The following MIDEAS variants were observed in gnomAD, a reference collection of about 807,000 sequenced individuals.
MIDEAS encodes mitotic deacetylase associated SANT domain protein.
In MIDEAS, 26 loss-of-function variants were observed where a neutral mutation model predicts 102.7. The observed-to-expected ratio is 0.25, with a 90% CI of 0.19 to 0.35. The LOEUF (loss-of-function observed/expected upper bound fraction) is 0.35, where lower values mean the gene tolerates loss of function less well. MIDEAS is among the 10% of genes least tolerant of loss of function. MIDEAS has a pLI of 1.00. For missense variants in MIDEAS, 1,231 were observed against 1,435.6 expected (o/e 0.86, Z 2.30); for synonymous variants, 585 against 591.0 (o/e 0.99, Z 0.15).
chr14:73,732,341 G>A (rs879503954), intron 3 of MIDEAS, among the ~76,000 whole-genome samples: 2 of 150,772 alleles, frequency 1.3e-5, no homozygotes, highest in Non-Finnish European at 3.0e-5. Context: ...AAAGAGCCAA[G>A]ATCTAGGTGA....
At position 73,759,513 on chromosome 14, in the gene MIDEAS, C is replaced by T. The variant is rs1432193265; in HGVS notation, c.-248+250G>A. On this transcript the variant is annotated intron_variant, in intron 1 of 12. Coordinates refer to ENST00000423556, the MANE Select transcript of MIDEAS (RefSeq NM_001367710.1). This position sits in a 1 kb window ranked among gnomAD's most constrained non-coding sequence, Gnocchi z 6.7. The stretch of plus-strand genomic sequence containing the variant: ...GCTGCGCTGCACACGCAGCTGCGGG[C>T]CGAGGGCGCGGACCGCGGGGGAGGG... Among the ~76,000 whole-genome samples, 1 of 149,974 alleles carries T rather than the reference C, an allele frequency of 6.7e-6. No individual in the cohort carries two copies. The highest frequency in any genetic ancestry group is 1.5e-5 in the Non-Finnish European group (1 of 67,196).
chr14:73,736,359 C>T (rs1020710266), intron 3 of MIDEAS, among the ~76,000 whole-genome samples: 6 of 151,996 alleles, frequency 3.9e-5, no homozygotes, highest in Admixed American at 1.3e-4. Flanking sequence ...CGGCCAGGCG[C>T]GGTGGCTCAC....
At chr14:73,730,145 T>C (rs909086150) in intron 3 of MIDEAS, 160 bp from the exon 4 acceptor site, 3 of 766,338 alleles carry the variant, frequency 3.9e-6, no homozygotes, top group Admixed American at 2.0e-5. Context: ...GCCCTTTTTA[T>C]CATCTCCTCT....
intron 1 of MIDEAS, among the ~76,000 whole-genome samples, chr14:73,754,555 T>C (rs1055650122): frequency 1.3e-5 from 2 of 152,174 alleles, no homozygotes; most frequent in African/African-American, 4.8e-5. Context: ...AAAGTGAAAG[T>C]GGAGACAGTC....
chr14:73,788,350 C>T (rs1358989375), upstream of MIDEAS, among the ~76,000 whole-genome samples: 1 of 152,174 alleles, frequency 6.6e-6, no homozygotes, highest in African/African-American at 2.4e-5. Context: ...AACCTCCCCC[C>T]TTTCAATGCT....
chr14:73,726,652 GT>G lies in MIDEAS; in HGVS notation c.2360del (p.Asn787ThrfsTer20). The stretch of plus-strand genomic sequence containing the variant: ...GCAGACAGTGCAGGGCCAGCTCCTG[GT>G]TGGTGCCAGCACCAGGGAAAATGCT... ...CSSIFPGAGTNQELALHCLHE... is the reference protein window; with the variant it reads ...CSSIFPGAGTXQELALHCLHE... On this transcript the variant is annotated frameshift_variant, in exon 7 of 13. Transcript: ENST00000423556. LOFTEE classifies it high-confidence loss of function. 6.2e-7 allele frequency: 1 copy of G among 1,614,266 alleles called. No homozygotes were observed. Among genetic ancestry groups the G allele is most frequent in the Non-Finnish European group, 8.5e-7 (1 of 1,180,044 alleles).
rs2052955434 is a variant in MIDEAS, at chr14:73,719,586, A to T, written c.2938-85T>A. On this transcript the variant is annotated intron_variant, in intron 11 of 12. Transcript: ENST00000423556. ...AAAATCGCAGGGAACCGGGGGCCTG[A>T]AAAGTCATATATATTCCTGCCAAAC... 4.3e-6 allele frequency: 6 copies of T among 1,380,840 alleles called. No individual in the cohort carries two copies. The African/African-American group carries it at 7.2e-5, about 17-fold the overall frequency. The allele number at this position is 1,380,840 out of a possible 1,614,324, so 85.5% of individuals were successfully genotyped here. A position where few individuals can be genotyped will look rare whatever the true frequency, so the allele number is the denominator to read the frequency against.
At chr14:73,732,830 C>CCTA (rs1216609298) in intron 3 of MIDEAS, among the ~76,000 whole-genome samples, 21 of 148,408 alleles carry the variant, frequency 1.4e-4, no homozygotes, top group Admixed American at 1.3e-3. Flanking sequence ...GTGGCTCACG[C>CCTA]CTATAATCCC....
chr14:73,787,854 TCC>T (rs1256069303), upstream of MIDEAS, among the ~76,000 whole-genome samples: 2 of 151,970 alleles, frequency 1.3e-5, no homozygotes, highest in Non-Finnish European at 2.9e-5. Context: ...GTTCTAATCC[TCC>T]CCCGCGATTT....
intron 1 of MIDEAS, among the ~76,000 whole-genome samples, chr14:73,757,257 G>GAA: frequency 1.1e-5 from 1 of 93,950 alleles, no homozygotes; most frequent in East Asian, 5.6e-4. Flanking sequence ...GGGCGACAGA[G>GAA]AAAGACCCTA....
chr14:73,777,833 C>T (rs1186339603), intron 1 of MIDEAS, among the ~76,000 whole-genome samples: 3 of 151,956 alleles, frequency 2.0e-5, no homozygotes, highest in African/African-American at 4.8e-5. Context: ...CTCCTCTGAG[C>T]GCAGGAGCCC....
intron 1 of MIDEAS, among the ~76,000 whole-genome samples, chr14:73,749,276 T>G (rs1296489081): frequency 1.7e-5 from 2 of 119,178 alleles, no homozygotes; most frequent in Non-Finnish European, 3.2e-5. Context: ...GTGGTGCCTG[T>G]AATCCCAAAA....
intron 9 of MIDEAS, chr14:73,724,989 C>T: frequency 3.2e-6 from 1 of 312,934 alleles, no homozygotes; most frequent in African/African-American, 2.1e-5. Flanking sequence ...TCCGCATCTT[C>T]CTCCTGCCTA....
chr14:73,721,495 G>C lies in MIDEAS; in HGVS notation c.2739C>G (p.Phe913Leu), dbSNP rs1566581777. 2 of 1,614,022 alleles carry C rather than the reference G, an allele frequency of 1.2e-6. No homozygotes were observed. The highest frequency in any genetic ancestry group is 1.7e-6 in the Non-Finnish European group (2 of 1,179,984). Reference protein sequence around the residue: ...VEVDIKTSQKFPRVPLPRRES... With the variant: ...VEVDIKTSQKLPRVPLPRRES... ...CTCTTCTGGGAAGAGGCACCCTTGG[G>C]AACTTTTGGGAAGTCTATGGGGAAC... is the stretch of plus-strand genomic sequence containing the variant. The change falls in exon 11 of 13, where the codon TTC becomes TTG. Residue 913 changes from phenylalanine to leucine, a missense_variant. By Grantham distance (22) the Phe-to-Leu change is conservative (BLOSUM62 0). This residue lies in a region of MIDEAS where 391 missense variants were observed against 483.0 expected (regional missense o/e 0.81). Coordinates refer to ENST00000423556, the MANE Select transcript of MIDEAS (RefSeq NM_001367710.1).
At chr14:73,763,077 T>C (rs2053566498), upstream of MIDEAS, among the ~76,000 whole-genome samples, 1 of 152,174 alleles carries the variant, frequency 6.6e-6, no homozygotes, top group South Asian at 2.1e-4. Context: ...GGTTCACACC[T>C]GTAACCCCAG....
At position 73,736,962 on chromosome 14, in the gene MIDEAS, C is replaced by T. The variant is rs796664439; in HGVS notation, c.1749+36G>A. On this transcript the variant is annotated intron_variant, in intron 3 of 12. Transcript: ENST00000423556. ...GGGTCCTGGGCCCCCTGAGCACTCA[C>T]GCGCTGGAGGTGTTTAGAAGGGGCG... 20 of 1,588,972 alleles carry T rather than the reference C, an allele frequency of 1.3e-5. No homozygotes were observed. In the African/African-American group the frequency reaches 1.9e-4, roughly 15 times the overall value.
rs542731063 is a variant in MIDEAS, at chr14:73,723,922, G to A, written c.2575-1075C>T. The A allele has an allele frequency of 8.5e-5, 13 of 152,316 alleles. 1 individual carries two copies. The South Asian group carries it at 1.7e-3, about 19-fold the overall frequency. 9.4% of individuals were successfully genotyped at this position (152,316 alleles called of 1,614,324 possible). On this transcript the variant is annotated intron_variant, in intron 9 of 12. Coordinates refer to ENST00000423556, the MANE Select transcript of MIDEAS (RefSeq NM_001367710.1). ...CAGAAATGTCACAGTGTCCCCTGTCGGGGGAGGAACTCAAGGGAAACTCAC... is the reference window on the plus strand; with the variant it reads ...CAGAAATGTCACAGTGTCCCCTGTCAGGGGAGGAACTCAAGGGAAACTCAC...
upstream of MIDEAS, among the ~76,000 whole-genome samples, chr14:73,763,319 CAG>C (rs1452479119): frequency 6.6e-6 from 1 of 152,176 alleles, no homozygotes; most frequent in Non-Finnish European, 1.5e-5. Context: ...TCCTGGGTGA[CAG>C]GGTGAGACGT....
At chr14:73,783,076 G>A (rs180967720) in intron 1 of MIDEAS, among the ~76,000 whole-genome samples, 1 of 152,258 alleles carries the variant, frequency 6.6e-6, no homozygotes, top group Admixed American at 6.5e-5. Flanking sequence ...ATATAAAACA[G>A]GGCTTCCAGT....
Sources: gnomAD v4.1 joint callset for allele counts (sites outside exome capture counted in the v4.1 genomes callset) on GRCh38, gnomAD v4.1.1 for gene constraint, gnomAD v4.1.1 regional missense constraint, Gnocchi (gnomAD v3.1) non-coding constraint, MANE v1.5 for transcripts, NCBI Gene and HGNC (gene_info 2026-07-23, HGNC 2026-07-21) for gene names.